Variants in SIGLEC14 observed in about 807,000 individuals in gnomAD.
SIGLEC14 encodes sialic acid-binding Ig-like lectin 14.
SIGLEC14 carries 11 observed loss-of-function variants against 34.2 expected under a neutral mutation model. The observed-to-expected ratio is 0.32, with a 90% CI of 0.20 to 0.53. The LOEUF is 0.53. SIGLEC14 is among the 20% of genes least tolerant of loss of function. SIGLEC14 has a pLI of 0.95. For synonymous variants in SIGLEC14, 99 were observed against 179.7 expected (o/e 0.55, Z 3.59); for missense variants, 264 against 439.0 (o/e 0.60, Z 3.56).
At position 51,639,485 on chromosome 19, in the gene SIGLEC14, T is replaced by A. The variant is rs1297352199; in HGVS notation, c.*3870A>T. 4.3e-5 allele frequency: 6 copies of A among 139,924 alleles called. 1 individual carries two copies. Among genetic ancestry groups the A allele is most frequent in the Non-Finnish European group, 7.7e-5 (5 of 65,136 alleles). The allele number at this position is 139,924 out of a possible 1,614,324, so 8.7% of individuals were successfully genotyped here. On this transcript the variant is annotated 3_prime_UTR_variant, in exon 7 of 7. Coordinates refer to ENST00000360844, the MANE Select transcript of SIGLEC14 (RefSeq NM_001098612.3). ...AAAATACCTTAGGCTGGGTGATTTA[T>A]AAACAACAGAAATTTATTTCTCATA... is the stretch of plus-strand genomic sequence containing the variant.
rs768140320 is a variant in SIGLEC14, at chr19:51,643,877, T to G, written c.914A>C (p.Glu305Ala). The G allele has an allele frequency of 9.1e-6, 14 of 1,533,618 alleles. 1 individual carries two copies. The Admixed American group carries it at 2.4e-4, about 26-fold the overall frequency. The change falls in exon 5 of 7, where the codon GAG (glutamate) becomes GCG (alanine). Residue 305 changes from glutamate (E) to alanine (A), a missense_variant. Glu to Ala is a moderately radical substitution (Grantham distance 107). Transcript: ENST00000360844. Reference sequence around the variant, plus strand: ...CTCTCTAGCTCCTATGTTAGGCAGCTCCAGGGTCCCAGACATTGAGGTCTG... The same window carrying G: ...CTCTCTAGCTCCTATGTTAGGCAGCGCCAGGGTCCCAGACATTGAGGTCTG... The part of the protein sequence containing the change: ...PSQTSMSGTL[E>A]LPNIGAREGG...
In SIGLEC14 at chr19:51,640,956, A is replaced by C. The variant is rs1277958068; in HGVS notation, c.*2399T>G. On this transcript the variant is annotated 3_prime_UTR_variant, in exon 7 of 7. Coordinates refer to ENST00000360844, the MANE Select transcript of SIGLEC14 (RefSeq NM_001098612.3). ...CGCCATTGCACTCCAGCCTGGGCAA[A>C]AAGAGCGAAACTCTGTCTCAAAAAA... Among the ~76,000 whole-genome samples the C allele has an allele frequency of 7.2e-6, 1 of 139,046 alleles. No homozygotes were observed. Among genetic ancestry groups the C allele is most frequent in the African/African-American group, 2.7e-5 (1 of 36,630 alleles). The allele number at this position is 139,046 out of a possible 152,430, so 91.2% of individuals were successfully genotyped here.
At position 51,643,304 on chromosome 19, in the gene SIGLEC14, TC is replaced by T. The variant is rs774560605; in HGVS notation, c.*50del. 1.6e-5 allele frequency: 24 copies of T among 1,458,606 alleles called. 2 individuals carry two copies. Among genetic ancestry groups the T allele is most frequent in the Admixed American group, 1.6e-4 (9 of 57,358 alleles). The allele number at this position is 1,458,606 out of a possible 1,614,324, so 90.4% of individuals were successfully genotyped here. ...AGCTGACAGTGATGTCCTGCATGTGTCCCACAGGGCTAAGTGTCCACACCTC... is the reference window on the plus strand; with the variant it reads ...AGCTGACAGTGATGTCCTGCATGTGTCCACAGGGCTAAGTGTCCACACCTC... On this transcript the variant is annotated 3_prime_UTR_variant, in exon 7 of 7. Coordinates refer to ENST00000360844, the MANE Select transcript of SIGLEC14 (RefSeq NM_001098612.3).
Position 51,639,705 on chromosome 19 carries a change from C to A in SIGLEC14, c.*3650G>T, listed in dbSNP as rs971090057. ...GGCACCATTATGGGTTAATCACTTT[C>A]CAAAAAGCCCCAACCTTTTAATACC... On this transcript the variant is annotated 3_prime_UTR_variant, in exon 7 of 7. Transcript: ENST00000360844. 8 of 138,964 alleles carry A rather than the reference C, an allele frequency of 5.8e-5. 2 individuals carry two copies. Among genetic ancestry groups the A allele is most frequent in the African/African-American group, 2.2e-4 (8 of 36,668 alleles). 8.6% of individuals were successfully genotyped at this position (138,964 alleles called of 1,614,324 possible). A position where few individuals can be genotyped will look rare whatever the true frequency, so the allele number is the denominator to read the frequency against.
chr19:51,645,457 G>A lies in SIGLEC14; in HGVS notation c.754+20C>T, dbSNP rs775826254. ...AGAAGGCTCCCATCACAGCCCCAGA[G>A]GGAAGAGGGTCTTTCCTACCTGTGC... is the stretch of plus-strand genomic sequence containing the variant. On this transcript the variant is annotated intron_variant, in intron 4 of 6. Coordinates refer to ENST00000360844, the MANE Select transcript of SIGLEC14 (RefSeq NM_001098612.3). 5 of 1,523,900 alleles carry A rather than the reference G, an allele frequency of 3.3e-6. No individual in the cohort carries two copies. The Admixed American group carries it at 5.2e-5, about 16-fold the overall frequency. The allele number at this position is 1,523,900 out of a possible 1,614,324, so 94.4% of individuals were successfully genotyped here.
chr19:51,645,075 G>C (rs1474180842), intron 4 of SIGLEC14, among the ~76,000 whole-genome samples: 1 of 138,238 alleles, frequency 7.2e-6, no homozygotes, highest in Non-Finnish European at 1.5e-5. Flanking sequence ...GTGACTGCTC[G>C]GTGGCAGGAG....
At chr19:51,644,523 C>T (rs1600110833) in intron 4 of SIGLEC14, among the ~76,000 whole-genome samples, 1 of 137,228 alleles carries the variant, frequency 7.3e-6, no homozygotes, top group Middle Eastern at 3.5e-3. Context: ...CCAAGTAGGT[C>T]CCGGACTGGA....
chr19:51,644,997 C>G (rs1295875604), intron 4 of SIGLEC14, among the ~76,000 whole-genome samples: 1 of 136,508 alleles, frequency 7.3e-6, no homozygotes, highest in Non-Finnish European at 1.6e-5. Flanking sequence ...TCGGAGCAGG[C>G]AGAAATTCAA....
chr19:51,642,883 A>G lies in SIGLEC14; in HGVS notation c.*472T>C, dbSNP rs7251832. 0.83 allele frequency: 120,915 copies of G among 145,446 alleles called. 53,299 individuals carry two copies. Among genetic ancestry groups the G allele is most frequent in the South Asian group, 0.93 (6,510 of 6,986 alleles). The allele number at this position is 145,446 out of a possible 1,614,324, so 9.0% of individuals were successfully genotyped here. A position where few individuals can be genotyped will look rare whatever the true frequency, so the allele number is the denominator to read the frequency against. On this transcript the variant is annotated 3_prime_UTR_variant, in exon 7 of 7. Coordinates refer to ENST00000360844, the MANE Select transcript of SIGLEC14 (RefSeq NM_001098612.3). ...CATACAAAAAAAAAAAATTAACTGG[A>G]TGTGGTGGCAGGCACCTGTAATCCC...
chr19:51,643,483 G>GGGGGGGGGGGGGCCCCCCCCCC, intron 6 of SIGLEC14, 54 bp downstream of exon 6: 4 of 1,297,888 alleles, frequency 3.1e-6, no homozygotes, highest in Non-Finnish European at 3.0e-6. Flanking sequence ...GGGCAGGACA[G>GGGGGGGGGGGGGCCCCCCCCCC]CTCAGCCCCA....
rs1983878456 is a variant in SIGLEC14 at position 51,640,182 on chromosome 19, A to C, written c.*3173T>G. Among the ~76,000 whole-genome samples, 1 of 139,156 alleles carries C rather than the reference A, an allele frequency of 7.2e-6. No homozygotes were observed. Among genetic ancestry groups the C allele is most frequent in the Admixed American group, 6.9e-5 (1 of 14,390 alleles). 91.3% of individuals were successfully genotyped at this position (139,156 alleles called of 152,430 possible). A position where few individuals can be genotyped will look rare whatever the true frequency, so the allele number is the denominator to read the frequency against. Reference sequence around the variant, plus strand: ...AGAGTGAACTCACCACAACACAACAAAACAAACAAACAAAAAATCCTTACA... The same window carrying C: ...AGAGTGAACTCACCACAACACAACACAACAAACAAACAAAAAATCCTTACA... On this transcript the variant is annotated 3_prime_UTR_variant, in exon 7 of 7. Transcript: ENST00000360844.
intron 4 of SIGLEC14, among the ~76,000 whole-genome samples, chr19:51,644,247 C>T (rs1308928191): frequency 7.3e-6 from 1 of 137,886 alleles, no homozygotes; most frequent in Non-Finnish European, 1.5e-5. Context: ...GAGGAGTTCT[C>T]ACATTAAGGA....
chr19:51,645,675 C>T, intron 3 of SIGLEC14, 107 bp downstream of exon 3: 1 of 1,437,644 alleles, frequency 7.0e-7, no homozygotes. Flanking sequence ...CCCTGGTTAT[C>T]ATTCTCTTTC....
rs1472931434 is a variant in SIGLEC14, at chr19:51,643,371, G to C, written c.1175C>G (p.Ala392Gly). 6.6e-7 allele frequency: 1 copy of C among 1,523,054 alleles called. No individual in the cohort carries two copies. Among genetic ancestry groups the C allele is most frequent in the Admixed American group, 1.7e-5 (1 of 57,290 alleles). 94.3% of individuals were successfully genotyped at this position (1,523,054 alleles called of 1,614,324 possible). A position where few individuals can be genotyped will look rare whatever the true frequency, so the allele number is the denominator to read the frequency against. The change falls in exon 7 of 7, where the codon GCT becomes GGT. Residue 392 changes from alanine to glycine, a missense_variant. By Grantham distance (60) the Ala-to-Gly change is moderately conservative. Coordinates refer to ENST00000360844, the MANE Select transcript of SIGLEC14 (RefSeq NM_001098612.3). ...GGGAGGGGCTCAGCCAGGCCTCTCA[G>C]CCCTGCTCTGCTGGGGGCCTCCACA... ...TRCGGPQQSR[A>G]ERPG
In SIGLEC14 at chr19:51,644,458, G is replaced by T; in HGVS notation, c.755-422C>A. The stretch of plus-strand genomic sequence containing the variant: ...GGCTTTATCCTGGAAAGCAAGAGGG[G>T]GCTATAAGCAAGGGAAACAGAGTTA... On this transcript the variant is annotated intron_variant, in intron 4 of 6. Coordinates refer to ENST00000360844, the MANE Select transcript of SIGLEC14 (RefSeq NM_001098612.3). Among the ~76,000 whole-genome samples the T allele has an allele frequency of 1.5e-5, 2 of 137,906 alleles. 1 individual carries two copies. Among genetic ancestry groups the T allele is most frequent in the Non-Finnish European group, 3.1e-5 (2 of 64,666 alleles). The allele number at this position is 137,906 out of a possible 152,430, so 90.5% of individuals were successfully genotyped here.
At chr19:51,645,661 T>G (rs1984018163) in intron 3 of SIGLEC14, 121 bp downstream of exon 3, 1 of 1,445,802 alleles carries the variant, frequency 6.9e-7, no homozygotes, top group Non-Finnish European at 9.3e-7. Flanking sequence ...CACACACGAG[T>G]TTTCCCTGGT....
chr19:51,645,356 G>T lies in SIGLEC14; in HGVS notation c.754+121C>A. The T allele has an allele frequency of 3.5e-6, 3 of 867,276 alleles. 1 individual carries two copies. In the South Asian group the frequency reaches 4.9e-5, roughly 14 times the overall value. The allele number at this position is 867,276 out of a possible 1,614,324, so 53.7% of individuals were successfully genotyped here. A position where few individuals can be genotyped will look rare whatever the true frequency, so the allele number is the denominator to read the frequency against. The stretch of plus-strand genomic sequence containing the variant: ...TTAGTGACTGGGATTGGGGGGTTGG[G>T]AGCAGGAAGGACCCAGACCCAGGGG... On this transcript the variant is annotated intron_variant, in intron 4 of 6. Coordinates refer to ENST00000360844, the MANE Select transcript of SIGLEC14 (RefSeq NM_001098612.3).
rs1256350014 is a variant in SIGLEC14 at position 51,643,680 on chromosome 19, A to G, written c.1013-8T>C. 5 of 1,530,832 alleles carry G rather than the reference A, an allele frequency of 3.3e-6. 1 individual carries two copies. Among genetic ancestry groups the G allele is most frequent in the Non-Finnish European group, 4.4e-6 (5 of 1,140,592 alleles). 94.8% of individuals were successfully genotyped at this position (1,530,832 alleles called of 1,614,324 possible). On this transcript the variant is annotated splice_polypyrimidine_tract_variant and splice_region_variant and intron_variant, in intron 5 of 6. Transcript: ENST00000360844. ...TGCAGGAAGAGGAGCTTCCTGGGAG[A>G]AAGGAGAAGGTAAGGTGCTGTTACC...
chr19:51,640,112 A>G lies in SIGLEC14; in HGVS notation c.*3243T>C, dbSNP rs1301811110. Among the ~76,000 whole-genome samples, 1 of 139,494 alleles carries G rather than the reference A, an allele frequency of 7.2e-6. No homozygotes were observed. The highest frequency in any genetic ancestry group is 1.5e-5 in the Non-Finnish European group (1 of 65,100). The allele number at this position is 139,494 out of a possible 152,430, so 91.5% of individuals were successfully genotyped here. On this transcript the variant is annotated 3_prime_UTR_variant, in exon 7 of 7. Coordinates refer to ENST00000360844, the MANE Select transcript of SIGLEC14 (RefSeq NM_001098612.3). ...TTTGGAAAATTATCCTTCAAAACGA[A>G]AGAGAAGGAGTCGTGCTTTTATTAT...
Sources: allele counts gnomAD v4.1 joint callset (sites outside exome capture counted in the v4.1 genomes callset), GRCh38; gene constraint gnomAD v4.1.1; transcripts MANE v1.5; gene names NCBI Gene and HGNC (gene_info 2026-07-23, HGNC 2026-07-21).